SCN11A: variants seen among roughly 807,000 people sequenced by gnomAD.
The protein encoded by SCN11A is sodium voltage-gated channel alpha subunit 11.
In SCN11A, 122 loss-of-function variants were observed where a neutral mutation model predicts 162.2. That is an observed-to-expected ratio of 0.75 (90% CI 0.65 to 0.87). SCN11A has a LOEUF of 0.87. Ranked by LOEUF, SCN11A falls within the 40% of genes least tolerant of loss-of-function variation. The pLI is 0.00. For missense variants in SCN11A, 2,015 were observed against 2,181.6 expected (o/e 0.92, Z 1.52); for synonymous variants, 758 against 751.5 (o/e 1.01, Z -0.14).
intron 2 of SCN11A, among the ~76,000 whole-genome samples, chr3:39,031,177 G>A (rs1200619624): frequency 1.3e-5 from 2 of 152,198 alleles, no homozygotes; most frequent in Non-Finnish European, 2.9e-5. Flanking sequence ...GAACCATTCA[G>A]CACCATGACT....
chr3:38,989,341 C>G (rs569685787), intron 2 of SCN11A, among the ~76,000 whole-genome samples: 93 of 152,256 alleles, frequency 6.1e-4, no homozygotes, highest in African/African-American at 2.0e-3. Context: ...GAGCAGAAAC[C>G]CGCTGCCCTG....
intron 1 of SCN11A, among the ~76,000 whole-genome samples, chr3:39,032,792 A>T (rs2031793411): frequency 6.6e-6 from 1 of 152,168 alleles, no homozygotes; most frequent in South Asian, 2.1e-4. Flanking sequence ...ATCTCATTTG[A>T]ATTCAGAAGA....
intron 7 of SCN11A, among the ~76,000 whole-genome samples, chr3:38,933,831 C>A (rs1054042517): frequency 7.9e-5 from 12 of 152,306 alleles, no homozygotes; most frequent in African/African-American, 2.9e-4. Flanking sequence ...CTTCCCCAAT[C>A]TAGAAAGGCA....
At chr3:38,875,350 T>C (rs2065191318) in intron 23 of SCN11A, among the ~76,000 whole-genome samples, 1 of 152,174 alleles carries the variant, frequency 6.6e-6, no homozygotes, top group Non-Finnish European at 1.5e-5. Flanking sequence ...GTCTATTCTT[T>C]GTAACAATTT....
chr3:39,047,055 C>T (rs2032201909), intron 1 of SCN11A, among the ~76,000 whole-genome samples: 1 of 104,016 alleles, frequency 9.6e-6, no homozygotes. Flanking sequence ...TCCCCCCACC[C>T]CCACCCCCAC....
At chr3:38,982,513 T>C (rs1223180924) in intron 2 of SCN11A, among the ~76,000 whole-genome samples, 1 of 152,130 alleles carries the variant, frequency 6.6e-6, no homozygotes, top group Admixed American at 6.5e-5. Flanking sequence ...GCCGAGCTAA[T>C]AAGGCAGGGT....
chr3:38,999,237 T>C (rs2030737924), intron 2 of SCN11A, among the ~76,000 whole-genome samples: 1 of 152,212 alleles, frequency 6.6e-6, no homozygotes, highest in South Asian at 2.1e-4. Flanking sequence ...TGTTTTCTTT[T>C]ACATGTAACC....
rs563206607 is a variant in SCN11A, at chr3:38,975,050, T to A, written c.-279-14627A>T. On this transcript the variant is annotated intron_variant, in intron 2 of 29. Coordinates refer to ENST00000302328, the MANE Select transcript of SCN11A (RefSeq NM_001349253.2). Reference sequence around the variant, plus strand: ...CAATATCAATAAAAGAATACAGAAATCAGTAGAGTAAAATGTTCAATATAT... The same window carrying A: ...CAATATCAATAAAAGAATACAGAAAACAGTAGAGTAAAATGTTCAATATAT... Among the ~76,000 whole-genome samples the A allele has an allele frequency of 5.9e-5, 9 of 151,270 alleles. No homozygotes were observed. The South Asian group carries it at 1.9e-3, about 32-fold the overall frequency.
At chr3:38,951,640 C>T (rs2066619550) in intron 4 of SCN11A, among the ~76,000 whole-genome samples, 1 of 152,340 alleles carries the variant, frequency 6.6e-6, no homozygotes, top group African/African-American at 2.4e-5. Flanking sequence ...CGTGGAGAGT[C>T]TTTATATCTA....
chr3:38,846,957 C>G lies in SCN11A; in HGVS notation c.5113G>C (p.Ala1705Pro), dbSNP rs774738171. ...TCCATGAACTTCTCTTCCATCATTG[C>G]TTTCATACTATCTAGGCCATCAGAG... ...GGSDGLDSMK[A>P]MMEEKFMEAN... Residue 1705 changes from alanine to proline, a missense_variant, in exon 30 of 30, where the codon GCA becomes CCA. Coordinates refer to ENST00000302328, the MANE Select transcript of SCN11A (RefSeq NM_001349253.2). 6.2e-7 allele frequency: 1 copy of G among 1,614,118 alleles called. No homozygotes were observed. Among genetic ancestry groups the G allele is most frequent in the Non-Finnish European group, 8.5e-7 (1 of 1,180,026 alleles).
chr3:38,877,217 G>T, intron 23 of SCN11A, among the ~76,000 whole-genome samples: 1 of 31,110 alleles, frequency 3.2e-5, no homozygotes, highest in Non-Finnish European at 5.6e-5. Flanking sequence ...GTATATATAT[G>T]GTGTATATAC....
chr3:38,905,233 C>T lies in SCN11A; in HGVS notation c.1562G>A (p.Arg521Lys). The T allele has an allele frequency of 6.2e-7, 1 of 1,614,048 alleles. No individual in the cohort carries two copies. The highest frequency in any genetic ancestry group is 8.5e-7 in the Non-Finnish European group (1 of 1,179,932). The change falls in exon 15 of 30, where the codon AGA becomes AAA. Residue 521 changes from arginine to lysine, a missense_variant. Transcript: ENST00000302328. ...DEHGDPLQRQ[R>K]ALSAVSILTI... ...GAGGATGCTGACAGCACTCAGTGCTCTCTGCCTTTGGAGAGGATCTCCATG... is the reference window on the plus strand; with the variant it reads ...GAGGATGCTGACAGCACTCAGTGCTTTCTGCCTTTGGAGAGGATCTCCATG...
intron 16 of SCN11A, among the ~76,000 whole-genome samples, chr3:38,900,627 CA>C (rs200757973): frequency 0.33 from 33,454 of 101,678 alleles, 4,630 homozygotes; most frequent in African/African-American, 0.49. Context: ...CTTCCAGGGG[CA>C]AAAAAAAAAA....
At position 39,029,530 on chromosome 3, in the gene SCN11A, T is replaced by C. The variant is rs896014610; in HGVS notation, c.-280+2850A>G. ...GATTTTCCCATAGTGGGAAAGGACA[T>C]AGTGGGCAGGGGAACCCATGAAGAG... On this transcript the variant is annotated intron_variant, in intron 2 of 29. Transcript: ENST00000302328. Among the ~76,000 whole-genome samples the C allele has an allele frequency of 3.3e-5, 5 of 152,298 alleles. No individual in the cohort carries two copies. In the East Asian group the frequency reaches 9.7e-4, roughly 29 times the overall value.
chr3:38,863,767 A>G (rs553745371), intron 27 of SCN11A, among the ~76,000 whole-genome samples: 3 of 152,242 alleles, frequency 2.0e-5, no homozygotes, highest in African/African-American at 7.2e-5. Context: ...AAAAAGTTCT[A>G]ACTATTTTCA....
At chr3:38,983,600 C>A (rs888955225) in intron 2 of SCN11A, among the ~76,000 whole-genome samples, 1 of 152,186 alleles carries the variant, frequency 6.6e-6, no homozygotes, top group Non-Finnish European at 1.5e-5. Flanking sequence ...TTAACCTCTG[C>A]GTCTCAGTTT....
chr3:39,000,519 C>T (rs780951782), intron 2 of SCN11A, among the ~76,000 whole-genome samples: 5 of 152,138 alleles, frequency 3.3e-5, no homozygotes, highest in African/African-American at 7.2e-5. Context: ...CTCAACTCCC[C>T]CCTCCCCAAA....
chr3:38,923,536 A>G (rs1209777175), intron 9 of SCN11A, among the ~76,000 whole-genome samples: 1 of 152,156 alleles, frequency 6.6e-6, no homozygotes, highest in Non-Finnish European at 1.5e-5. Flanking sequence ...TCAGGTATAA[A>G]AGTCATTTTT....
At chr3:38,972,568 T>C (rs987965473) in intron 2 of SCN11A, among the ~76,000 whole-genome samples, 2 of 152,138 alleles carry the variant, frequency 1.3e-5, no homozygotes, top group Non-Finnish European at 2.9e-5. Context: ...TTTTCCCTTA[T>C]GTTTCATATA....
Sources: allele counts gnomAD v4.1 joint callset (sites outside exome capture counted in the v4.1 genomes callset), GRCh38; gene constraint gnomAD v4.1.1; transcripts MANE v1.5; gene names NCBI Gene and HGNC (gene_info 2026-07-23, HGNC 2026-07-21).